Variants in GARIN1A observed in about 807,000 individuals in gnomAD.
GARIN1A encodes golgi associated RAB2 interactor 1A.
the GARIN1A span, chr7:128,677,868 TGTA>T: frequency 7.0e-7 from 1 of 1,423,686 alleles, no homozygotes; most frequent in Non-Finnish European, 9.5e-7. Context: ...TAAGTATATA[TGTA>T]AGTGTCTGTG....
At chr7:128,675,899 G>A in the GARIN1A span, 3 of 1,417,024 alleles carry the variant, frequency 2.1e-6, no homozygotes, top group Non-Finnish European at 3.0e-6. Context: ...TGGAATGATT[G>A]ACTGGGATAT....
the GARIN1A span, chr7:128,672,668 AAG>A: frequency 1.3e-6 from 1 of 789,182 alleles, no homozygotes; most frequent in South Asian, 1.9e-5. Flanking sequence ...CGGGGGGACA[AAG>A]AAGCCACCAA....
At chr7:128,683,189 T>C in the GARIN1A span, 1 of 1,527,286 alleles carries the variant, frequency 6.5e-7, no homozygotes. Context: ...CTTCCTTGCA[T>C]ACGTGTACTT....
the GARIN1A span, chr7:128,677,748 G>C: frequency 6.2e-7 from 1 of 1,613,814 alleles, no homozygotes; most frequent in Non-Finnish European, 8.5e-7. Context: ...CACCACCAAA[G>C]ACCCGAGAAT....
the GARIN1A span, among the ~76,000 whole-genome samples, chr7:128,682,145 C>T: frequency 2.0e-5 from 3 of 152,094 alleles, no homozygotes; most frequent in Non-Finnish European, 4.4e-5. Context: ...AGCTCAAGCC[C>T]CCTGGGTTGT....
the GARIN1A span, among the ~76,000 whole-genome samples, chr7:128,673,621 G>T: frequency 3.9e-5 from 6 of 152,320 alleles, no homozygotes; most frequent in African/African-American, 1.4e-4. Flanking sequence ...ACAGTTTGAG[G>T]TGGGTCTTGG....
At chr7:128,673,608 G>A in the GARIN1A span, among the ~76,000 whole-genome samples, 3 of 152,172 alleles carry the variant, frequency 2.0e-5, no homozygotes, top group Non-Finnish European at 4.4e-5. Flanking sequence ...AGAGAAGGTG[G>A]GAACAGTTTG....
chr7:128,689,594 C>T, the GARIN1A span, among the ~76,000 whole-genome samples: 7 of 144,884 alleles, frequency 4.8e-5, no homozygotes, highest in East Asian at 4.2e-4. Flanking sequence ...CCCCTCCGCC[C>T]GGCAGCCGCC....
chr7:128,707,875 T>C, the GARIN1A span, among the ~76,000 whole-genome samples: 2 of 151,994 alleles, frequency 1.3e-5, no homozygotes, highest in African/African-American at 4.8e-5. Flanking sequence ...CTTTCTTTCT[T>C]TTCCTTCCTT....
chr7:128,695,610 G>A, the GARIN1A span, among the ~76,000 whole-genome samples: 9 of 152,014 alleles, frequency 5.9e-5, 1 homozygote, highest in Middle Eastern at 0.014. This position sits in a 1 kb window ranked among gnomAD's most constrained non-coding sequence, Gnocchi z 4.5. Flanking sequence ...GTGTGATCTC[G>A]CCTCACTGCA....
the GARIN1A span, among the ~76,000 whole-genome samples, chr7:128,690,019 C>T: frequency 0.99 from 150,216 of 152,334 alleles, 74,085 homozygotes; most frequent in Middle Eastern, 1. Context: ...TGTGTCTGTG[C>T]AGAAAGAAGT....
At chr7:128,695,780 G>A in the GARIN1A span, among the ~76,000 whole-genome samples, 1 of 152,080 alleles carries the variant, frequency 6.6e-6, no homozygotes, top group Non-Finnish European at 1.5e-5. The surrounding 1 kb of genome is among the most constrained non-coding windows in gnomAD (Gnocchi z 4.5). Flanking sequence ...CTGGCCTCAA[G>A]TGATCTGTCC....
At chr7:128,691,209 C>T in the GARIN1A span, 1 of 152,074 alleles carries the variant, frequency 6.6e-6, no homozygotes. Flanking sequence ...AGATTAAACC[C>T]TTCCCTTCCA....
At chr7:128,706,511 A>G in the GARIN1A span, among the ~76,000 whole-genome samples, 1 of 152,086 alleles carries the variant, frequency 6.6e-6, no homozygotes, top group African/African-American at 2.4e-5. Flanking sequence ...ATTTATTTAT[A>G]TATTTTAAAC....
At chr7:128,689,187 A>G in the GARIN1A span, among the ~76,000 whole-genome samples, 13 of 152,134 alleles carry the variant, frequency 8.5e-5, no homozygotes, top group African/African-American at 3.1e-4. Context: ...TTGGCCTTCC[A>G]AAGTGCCGAG....
chr7:128,698,313 G>A, the GARIN1A span, among the ~76,000 whole-genome samples: 1 of 152,076 alleles, frequency 6.6e-6, no homozygotes. Flanking sequence ...CCACACTGGG[G>A]CTGCTTCTCT....
chr7:128,682,883 G>C, the GARIN1A span: 1 of 1,147,302 alleles, frequency 8.7e-7, no homozygotes, highest in East Asian at 2.6e-5. Context: ...AGCTGAAAGT[G>C]GTTTTTAAGT....
the GARIN1A span, chr7:128,675,535 G>A: frequency 7.4e-6 from 6 of 809,628 alleles, no homozygotes; most frequent in South Asian, 8.2e-5. Context: ...GGAGGCCAAT[G>A]AAAAGGATCA....
chr7:128,680,130 C>A, the GARIN1A span: 1 of 1,565,502 alleles, frequency 6.4e-7, no homozygotes, highest in African/African-American at 1.4e-5. Context: ...CTCAGGAAAG[C>A]CCCAGCTCAC....
Sources: allele counts gnomAD v4.1 joint callset (sites outside exome capture counted in the v4.1 genomes callset), GRCh38; gene constraint gnomAD v4.1.1; non-coding constraint Gnocchi (gnomAD v3.1); transcripts MANE v1.5; gene names NCBI Gene and HGNC (gene_info 2026-07-23, HGNC 2026-07-21).